The following ANKMY2 variants were observed in gnomAD, a reference collection of about 807,000 sequenced individuals.
ANKMY2 encodes ankyrin repeat and MYND domain containing 2.
ANKMY2 carries 36 observed loss-of-function variants against 50.4 expected under a neutral mutation model. That is an observed-to-expected ratio of 0.71 (90% CI 0.55 to 0.94). ANKMY2 has a LOEUF of 0.94. ANKMY2 is among the 40% of genes least tolerant of loss of function. The pLI is 0.00. For missense variants in ANKMY2, 565 were observed against 524.0 expected (o/e 1.08, Z -0.76); for synonymous variants, 187 against 178.8 (o/e 1.05, Z -0.36).
intron 4 of ANKMY2, 50 bp downstream of exon 4, chr7:16,624,933 C>A: frequency 6.6e-7 from 1 of 1,523,994 alleles, no homozygotes; most frequent in South Asian, 1.2e-5. Flanking sequence ...TTTTTTTCCA[C>A]AAGGGAAATT....
intron 4 of ANKMY2, among the ~76,000 whole-genome samples, chr7:16,618,912 G>GT (rs1288685510): frequency 6.6e-6 from 1 of 152,118 alleles, no homozygotes; most frequent in African/African-American, 2.4e-5. Flanking sequence ...AAAGATAGGT[G>GT]TTTCCACACA....
Position 16,600,838 on chromosome 7 carries a change from T to C in ANKMY2, c.1249A>G (p.Lys417Glu), listed in dbSNP as rs759500978. Residue 417 changes from lysine (K) to glutamate (E), a missense_variant, in exon 10 of 10, where the codon AAA becomes GAA. Physicochemically the swap from Lys to Glu is moderately conservative, Grantham distance 56. Coordinates refer to ENST00000306999, the MANE Select transcript of ANKMY2 (RefSeq NM_020319.3). Reference sequence around the variant, plus strand: ...TCAGCTTCGCTTTCAAGAGATTCTTTCTTTCCTTCCCCGGAATCTTCAGGA... The same window carrying C: ...TCAGCTTCGCTTTCAAGAGATTCTTCCTTTCCTTCCCCGGAATCTTCAGGA... ...SNPEDSGEGK[K>E]ESLESEAELE... 1 of 1,613,674 alleles carries C rather than the reference T, an allele frequency of 6.2e-7. No homozygotes were observed. Among genetic ancestry groups the C allele is most frequent in the South Asian group, 1.1e-5 (1 of 90,980 alleles).
rs115744277 is a variant in ANKMY2, at chr7:16,606,113, G to A, written c.883-1264C>T. 7.1e-3 allele frequency among the ~76,000 whole-genome samples: 1,074 copies of A among 152,092 alleles called. 14 individuals carry two copies. Among genetic ancestry groups the A allele is most frequent in the Non-Finnish European group, 0.013 (850 of 67,992 alleles). On this transcript the variant is annotated intron_variant, in intron 7 of 9. Transcript: ENST00000306999. Reference sequence around the variant, plus strand: ...ACTACAGGCATGAGCCACCGCGCCTGGCCTATAAACTTTTTTTACAAAGAA... The same window carrying A: ...ACTACAGGCATGAGCCACCGCGCCTAGCCTATAAACTTTTTTTACAAAGAA...
rs917538415 is a variant in ANKMY2 at position 16,607,022 on chromosome 7, C to T, written c.883-2173G>A. On this transcript the variant is annotated intron_variant, in intron 7 of 9. Transcript: ENST00000306999. ...AGCCAGCCCTGAGAACCATCGTATG[C>T]GGGGAAAAGGTTGGGCATCACTTCA... Among the ~76,000 whole-genome samples the T allele has an allele frequency of 4.6e-5, 7 of 152,114 alleles. No homozygotes were observed. In the East Asian group the frequency reaches 5.8e-4, roughly 13 times the overall value.
chr7:16,639,586 T>C (rs1416326750), intron 1 of ANKMY2, among the ~76,000 whole-genome samples: 1 of 152,134 alleles, frequency 6.6e-6, no homozygotes, highest in African/African-American at 2.4e-5. Flanking sequence ...TTTCCCAGCA[T>C]GGACAACATA....
intron 4 of ANKMY2, among the ~76,000 whole-genome samples, chr7:16,621,602 G>A (rs768162463): frequency 1.3e-5 from 2 of 152,182 alleles, no homozygotes; most frequent in Non-Finnish European, 2.9e-5. Flanking sequence ...GAATACTTAT[G>A]TAACTCCTGG....
intron 5 of ANKMY2, among the ~76,000 whole-genome samples, chr7:16,611,457 TG>T (rs1426768320): frequency 6.6e-6 from 1 of 152,224 alleles, no homozygotes; most frequent in Non-Finnish European, 1.5e-5. Context: ...TAGTGTAATA[TG>T]GAGTATTTTT....
chr7:16,608,560 C>T (rs1781196024), intron 7 of ANKMY2, among the ~76,000 whole-genome samples: 2 of 152,088 alleles, frequency 1.3e-5, no homozygotes, highest in Admixed American at 1.3e-4. Context: ...AGAAGGGAAC[C>T]AGATTTGCCA....
Position 16,615,861 on chromosome 7 carries a change from T to C in ANKMY2, c.414A>G (p.Arg138=). ...GCTTAGTGTAATAATCCAGTCTCTC[T>C]CGAGGAAAGAAATTGTTGATTATGG... ...CVTIINNFFP[R]ERLDYYTKPQ... Residue 138 remains arginine, a synonymous_variant, in exon 5 of 10, where the codon CGA becomes CGG. Coordinates refer to ENST00000306999, the MANE Select transcript of ANKMY2 (RefSeq NM_020319.3). 1 of 1,614,030 alleles carries C rather than the reference T, an allele frequency of 6.2e-7. No individual in the cohort carries two copies. The highest frequency in any genetic ancestry group is 8.5e-7 in the Non-Finnish European group (1 of 1,179,976).
chr7:16,625,448 G>A (rs1014913288), intron 3 of ANKMY2, among the ~76,000 whole-genome samples: 4 of 151,824 alleles, frequency 2.6e-5, no homozygotes, highest in East Asian at 1.9e-4. Flanking sequence ...CTTTAATATC[G>A]ACTAATCCAT....
intron 1 of ANKMY2, among the ~76,000 whole-genome samples, chr7:16,644,042 G>A (rs1022722714): frequency 1.3e-5 from 2 of 152,170 alleles, no homozygotes; most frequent in Admixed American, 1.3e-4. Flanking sequence ...GAGAGAGAGA[G>A]AGGACATGTA....
At chr7:16,608,858 G>C (rs2128342315) in intron 7 of ANKMY2, among the ~76,000 whole-genome samples, 1 of 152,138 alleles carries the variant, frequency 6.6e-6, no homozygotes, top group South Asian at 2.1e-4. Flanking sequence ...AAAATTAGCT[G>C]GGCGTGGTGG....
At chr7:16,617,917 GTTTTTTTTT>G (rs780533044) in intron 4 of ANKMY2, among the ~76,000 whole-genome samples, 1 of 110,882 alleles carries the variant, frequency 9.0e-6, no homozygotes, top group Admixed American at 1.0e-4. Flanking sequence ...CAGTGAGCGT[GTTTTTTTTT>G]TTTTTTTTTT....
intron 4 of ANKMY2, among the ~76,000 whole-genome samples, chr7:16,624,177 T>C (rs1352676211): frequency 1.3e-5 from 2 of 152,210 alleles, no homozygotes; most frequent in East Asian, 3.9e-4. Flanking sequence ...ATGCTTGCTT[T>C]ATAGGTTGTG....
At chr7:16,604,222 T>C (rs1781117594) in intron 8 of ANKMY2, among the ~76,000 whole-genome samples, 1 of 152,202 alleles carries the variant, frequency 6.6e-6, no homozygotes, top group Non-Finnish European at 1.5e-5. Flanking sequence ...GATATGCCTT[T>C]TACAAAGATA....
chr7:16,636,124 G>A (rs1053373175), intron 2 of ANKMY2, among the ~76,000 whole-genome samples: 1 of 151,658 alleles, frequency 6.6e-6, no homozygotes, highest in African/African-American at 2.4e-5. Context: ...TGAATATAGT[G>A]AAACCCTGTC....
intron 5 of ANKMY2, among the ~76,000 whole-genome samples, chr7:16,615,489 T>C (rs1481736636): frequency 6.6e-6 from 1 of 152,154 alleles, no homozygotes; most frequent in East Asian, 1.9e-4. Flanking sequence ...TGGGATGAGG[T>C]GGAAGCTAGG....
chr7:16,609,534 A>G lies in ANKMY2; in HGVS notation c.882+96T>C, dbSNP rs542585708. ...TTGTTCCTAAAAATATTCTGAAATA[A>G]TAAAAATAAATATTAAAGAGAACTT... On this transcript the variant is annotated intron_variant, in intron 7 of 9. Transcript: ENST00000306999. 31 of 1,306,532 alleles carry G rather than the reference A, an allele frequency of 2.4e-5. No homozygotes were observed. In the African/African-American group the frequency reaches 4.4e-4, roughly 19 times the overall value. The allele number at this position is 1,306,532 out of a possible 1,614,324, so 80.9% of individuals were successfully genotyped here.
chr7:16,624,113 G>C (rs1332993338), intron 4 of ANKMY2, among the ~76,000 whole-genome samples: 1 of 151,992 alleles, frequency 6.6e-6, no homozygotes, highest in Non-Finnish European at 1.5e-5. Context: ...CCCTTTAAGT[G>C]CCAAGAAAGT....
Sources: gnomAD v4.1 joint callset for allele counts (sites outside exome capture counted in the v4.1 genomes callset) on GRCh38, gnomAD v4.1.1 for gene constraint, MANE v1.5 for transcripts, NCBI Gene and HGNC (gene_info 2026-07-23, HGNC 2026-07-21) for gene names.